ATP8A2: variants seen among roughly 807,000 people sequenced by gnomAD.
ATP8A2 encodes phospholipid-transporting ATPase IB.
Under a neutral mutation model 165.6 loss-of-function variants are expected in ATP8A2, and 100 were observed. The observed-to-expected ratio is 0.60, with a 90% CI of 0.51 to 0.71. ATP8A2 has a LOEUF of 0.71. ATP8A2 is among the 30% of genes least tolerant of loss of function. The probability of loss-of-function intolerance (pLI) is 0.00; values close to 1 mark genes in which losing one functional copy is unlikely to be tolerated. For synonymous variants in ATP8A2, 543 were observed against 548.8 expected (o/e 0.99, Z 0.15); for missense variants, 1,227 against 1,479.5 (o/e 0.83, Z 2.80).
Position 26,021,249 on chromosome 13 carries a change from G to T in ATP8A2, c.*1264G>T. 6.6e-6 allele frequency: 1 copy of T among 152,392 alleles called. No homozygotes were observed. The allele number at this position is 152,392 out of a possible 1,614,324, so 9.4% of individuals were successfully genotyped here. On this transcript the variant is annotated 3_prime_UTR_variant, in exon 37 of 37. Transcript: ENST00000381655. ...ACTGAGAGGAGGACACAGAGGAATC[G>T]CCACCAGATCTTTGCAGTAGAAACT...
chr13:25,420,364 G>T (rs2034264740), intron 1 of ATP8A2, among the ~76,000 whole-genome samples: 2 of 152,232 alleles, frequency 1.3e-5, no homozygotes, highest in South Asian at 4.1e-4. Context: ...GGACCAGGTG[G>T]CCAGGAGTGG....
intron 27 of ATP8A2, among the ~76,000 whole-genome samples, chr13:25,806,595 G>A (rs992828168): frequency 5.3e-5 from 8 of 152,048 alleles, no homozygotes; most frequent in Non-Finnish European, 1.2e-4. Flanking sequence ...AAGCAGAGCA[G>A]GCAGTTGTGA....
intron 33 of ATP8A2, among the ~76,000 whole-genome samples, chr13:25,915,767 A>G (rs2139009618): frequency 6.6e-6 from 1 of 152,330 alleles, no homozygotes; most frequent in South Asian, 2.1e-4. Flanking sequence ...TGTTTTCTTA[A>G]ACACAAGAAC....
chr13:25,926,733 T>G (rs1954617042), intron 33 of ATP8A2, among the ~76,000 whole-genome samples: 1 of 152,218 alleles, frequency 6.6e-6, no homozygotes, highest in South Asian at 2.1e-4. Context: ...GGCATAGTGA[T>G]TCACGCCTGT....
At chr13:25,911,968 A>T (rs906913306) in intron 33 of ATP8A2, among the ~76,000 whole-genome samples, 1 of 152,210 alleles carries the variant, frequency 6.6e-6, no homozygotes, top group Non-Finnish European at 1.5e-5. Flanking sequence ...GAGGTTCCTT[A>T]AAAAGAATAA....
intron 1 of ATP8A2, among the ~76,000 whole-genome samples, chr13:25,461,763 T>G (rs933449363): frequency 2.6e-5 from 4 of 152,104 alleles, no homozygotes; most frequent in Non-Finnish European, 5.9e-5. Flanking sequence ...ACTTAATTTA[T>G]ATAAGGGCTC....
At chr13:25,495,558 C>T (rs138677145) in intron 2 of ATP8A2, among the ~76,000 whole-genome samples, 7 of 150,768 alleles carry the variant, frequency 4.6e-5, no homozygotes, top group Admixed American at 4.0e-4. Flanking sequence ...CTCCTGGCTT[C>T]AAGCCCTCCT....
intron 33 of ATP8A2, among the ~76,000 whole-genome samples, chr13:25,862,674 T>G (rs1415062230): frequency 2.0e-5 from 3 of 152,218 alleles, no homozygotes; most frequent in Non-Finnish European, 2.9e-5. Context: ...CATGCCCACA[T>G]TTCCATAATA....
chr13:25,392,108 C>T (rs1205411990), intron 1 of ATP8A2, among the ~76,000 whole-genome samples: 2 of 152,202 alleles, frequency 1.3e-5, no homozygotes, highest in African/African-American at 4.8e-5. Flanking sequence ...CGGGGCTGAC[C>T]TCACACGCAG....
At chr13:25,585,504 T>C (rs7321555) in intron 23 of ATP8A2, among the ~76,000 whole-genome samples, 91,254 of 151,980 alleles carry the variant, frequency 0.6, 29,017 homozygotes, top group Middle Eastern at 0.71. Flanking sequence ...AATTGAAATT[T>C]AAAGTCTTTC....
chr13:25,992,641 A>G (rs1956417380), intron 35 of ATP8A2, among the ~76,000 whole-genome samples: 1 of 151,880 alleles, frequency 6.6e-6, no homozygotes, highest in Non-Finnish European at 1.5e-5. Context: ...CTAGATTTCA[A>G]AGATACTCTC....
chr13:25,499,746 G>A (rs564672256), intron 2 of ATP8A2, among the ~76,000 whole-genome samples: 5 of 152,220 alleles, frequency 3.3e-5, no homozygotes, highest in East Asian at 1.9e-4. Flanking sequence ...TACCTGAGCT[G>A]GTTCAGTTAG....
intron 25 of ATP8A2, among the ~76,000 whole-genome samples, chr13:25,712,360 A>T (rs1454030345): frequency 6.6e-6 from 1 of 152,090 alleles, no homozygotes; most frequent in Non-Finnish European, 1.5e-5. Context: ...GCTGCTGCCC[A>T]CTAGAAACCC....
intron 33 of ATP8A2, among the ~76,000 whole-genome samples, chr13:25,943,671 T>C (rs9581487): frequency 6.6e-6 from 1 of 152,106 alleles, no homozygotes; most frequent in African/African-American, 2.4e-5. Context: ...CCTGTCGATC[T>C]CTGCCTGTAT....
At chr13:25,418,030 A>G (rs2034183931) in intron 1 of ATP8A2, among the ~76,000 whole-genome samples, 1 of 152,026 alleles carries the variant, frequency 6.6e-6, no homozygotes, top group Non-Finnish European at 1.5e-5. Flanking sequence ...TCTCATACCC[A>G]TATGTCCAAT....
At chr13:25,794,330 C>T (rs1257896267) in intron 27 of ATP8A2, among the ~76,000 whole-genome samples, 1 of 152,216 alleles carries the variant, frequency 6.6e-6, no homozygotes, top group Non-Finnish European at 1.5e-5. Flanking sequence ...TGGAATATTA[C>T]TTAGCAACAA....
At chr13:25,707,588 C>G (rs9581432) in intron 25 of ATP8A2, among the ~76,000 whole-genome samples, 2 of 152,282 alleles carry the variant, frequency 1.3e-5, no homozygotes, top group African/African-American at 4.8e-5. Context: ...TTCTGCTTGT[C>G]AGCTATGAGC....
At chr13:26,001,016 C>T (rs1013166499) in intron 35 of ATP8A2, among the ~76,000 whole-genome samples, 6 of 152,160 alleles carry the variant, frequency 3.9e-5, no homozygotes, top group Non-Finnish European at 5.9e-5. Context: ...ATATGTGTGA[C>T]GCAGTCCTTC....
chr13:25,532,828 G>C (rs116948406), intron 5 of ATP8A2, among the ~76,000 whole-genome samples: 2,068 of 151,880 alleles, frequency 0.014, 23 homozygotes, highest in Non-Finnish European at 0.018. Context: ...CACCACCCCC[G>C]ACTAATTTTT....
Sources: allele counts gnomAD v4.1 joint callset (sites outside exome capture counted in the v4.1 genomes callset), GRCh38; gene constraint gnomAD v4.1.1; transcripts MANE v1.5; gene names NCBI Gene and HGNC (gene_info 2026-07-23, HGNC 2026-07-21).